The following THBS2 variants were observed in gnomAD, a reference collection of about 807,000 sequenced individuals.
THBS2 encodes the protein thrombospondin-2.
A neutral mutation model predicts 135.2 loss-of-function variants in THBS2; 47 were observed. The observed-to-expected ratio is 0.35, with a 90% CI of 0.28 to 0.44. The LOEUF is 0.44. THBS2 is among the 20% of genes least tolerant of loss of function. The probability of loss-of-function intolerance (pLI) is 1.00; values close to 1 mark genes in which losing one functional copy is unlikely to be tolerated. For missense variants in THBS2, 1,288 were observed against 1,603.1 expected (o/e 0.80, Z 3.36); for synonymous variants, 639 against 633.8 (o/e 1.01, Z -0.12).
rs1189867506 is a variant in THBS2 at position 169,248,883 on chromosome 6, G to A, written c.143C>T (p.Pro48Leu). Residue 48 changes from proline to leucine, a missense_variant, in exon 3 of 22, where the codon CCC (proline) becomes CTC (leucine). Around this residue, in one of 2 missense-constraint regions of THBS2, gnomAD observed 414 missense variants for 447.0 expected, o/e 0.93. Transcript: ENST00000617924. ...KTIGAKQFRG[P>L]DPGVPAYRFV... ...GCGGTAAGCCGGCACGCCGGGGTCG[G>A]GCCCGCGGAACTGCTTGGCGCCAAT... The A allele has an allele frequency of 5.0e-6, 8 of 1,613,024 alleles. No homozygotes were observed. The highest frequency in any genetic ancestry group is 6.8e-6 in the Non-Finnish European group (8 of 1,180,016).
At chr6:169,247,791 C>A (rs543437772) in intron 3 of THBS2, among the ~76,000 whole-genome samples, 2 of 146,856 alleles carry the variant, frequency 1.4e-5, no homozygotes, top group Non-Finnish European at 1.5e-5. Context: ...TATGTGCACA[C>A]GTCTGTGAAT....
Position 169,217,550 on chromosome 6 carries a change from G to C in THBS2, c.*272C>G. 1 of 442,322 alleles carries C rather than the reference G, an allele frequency of 2.3e-6. No individual in the cohort carries two copies. Among genetic ancestry groups the C allele is most frequent in the Non-Finnish European group, 4.0e-6 (1 of 246,922 alleles). 27.4% of individuals were successfully genotyped at this position (442,322 alleles called of 1,614,324 possible). Reference sequence around the variant, plus strand: ...AACAAACAAGAAAAAGCAATGTAATGGCATGCCCAATTTTCACTCCACATA... The same window carrying C: ...AACAAACAAGAAAAAGCAATGTAATCGCATGCCCAATTTTCACTCCACATA... On this transcript the variant is annotated 3_prime_UTR_variant, in exon 22 of 22. Coordinates refer to ENST00000617924, the MANE Select transcript of THBS2 (RefSeq NM_003247.5).
At chr6:169,231,551 C>T (rs934625160) in intron 13 of THBS2, among the ~76,000 whole-genome samples, 6 of 152,188 alleles carry the variant, frequency 3.9e-5, no homozygotes, top group Non-Finnish European at 5.9e-5. Context: ...TGAGCAGCTC[C>T]TTATACTGCA....
Position 169,222,268 on chromosome 6 carries a change from C to T in THBS2, c.3202G>A (p.Val1068Met), listed in dbSNP as rs1010061278. Residue 1068 changes from valine to methionine, a missense_variant, in exon 19 of 22, where the codon GTG (valine) becomes ATG (methionine). Around this residue, in one of 2 missense-constraint regions of THBS2, gnomAD observed 874 missense variants for 1,156.1 expected, o/e 0.76. Coordinates refer to ENST00000617924, the MANE Select transcript of THBS2 (RefSeq NM_003247.5). Reference sequence around the variant, plus strand: ...TCGCCCGTCCCCGTGGTGGAGTTCACCACCTTGAGGGACACGCCGGAGTAG... The same window carrying T: ...TCGCCCGTCCCCGTGGTGGAGTTCATCACCTTGAGGGACACGCCGGAGTAG... Reference protein sequence around the residue: ...YGYSGVSLKVVNSTTGTGEHL... With the variant: ...YGYSGVSLKVMNSTTGTGEHL... 4 of 1,613,184 alleles carry T rather than the reference C, an allele frequency of 2.5e-6. No individual in the cohort carries two copies. In the African/African-American group the frequency reaches 5.3e-5, roughly 22 times the overall value.
chr6:169,242,064 G>A (rs1780325103), intron 4 of THBS2, 106 bp from the exon 5 acceptor site: 1 of 1,300,294 alleles, frequency 7.7e-7, no homozygotes, highest in East Asian at 2.5e-5. Flanking sequence ...GAGCGGCCTG[G>A]TGCTGGGAGA....
rs150322618 is a variant in THBS2, at chr6:169,248,664, G to A, written c.362C>T (p.Ala121Val). The change falls in exon 3 of 22, where the codon GCG (alanine) becomes GTG (valine). Residue 121 changes from alanine (A) to valine (V), a missense_variant. Ala to Val is a moderately conservative substitution (Grantham distance 64). This residue lies in a region of THBS2 where 414 missense variants were observed against 447.0 expected (regional missense o/e 0.93). Coordinates refer to ENST00000617924, the MANE Select transcript of THBS2 (RefSeq NM_003247.5). ...CCAGTAGGTGAGATCCAGCGTGTCCGCGGGGCCGTTGGAGACGATCTCGAA... is the reference window on the plus strand; with the variant it reads ...CCAGTAGGTGAGATCCAGCGTGTCCACGGGGCCGTTGGAGACGATCTCGAA... ...RQFEIVSNGP[A>V]DTLDLTYWID... The A allele has an allele frequency of 1.2e-4, 193 of 1,614,052 alleles. No homozygotes were observed. In the African/African-American group the frequency reaches 1.9e-3, roughly 16 times the overall value.
Position 169,233,009 on chromosome 6 carries a change from A to G in THBS2, c.1660T>C (p.Leu554=). The G allele has an allele frequency of 6.5e-7, 1 of 1,540,528 alleles. No homozygotes were observed. The highest frequency in any genetic ancestry group is 8.7e-7 in the Non-Finnish European group (1 of 1,146,924). ...GCTCCCGGGAAGCAGGGGTTGGATA[A>G]ACAGCCATCTGGGTGGGAGAAGGCG... The part of the protein sequence containing the change: ...NKRSCPVDGC[L]SNPCFPGAQC... The change falls in exon 11 of 22, where the codon TTA becomes CTA. Residue 554 remains leucine, a synonymous_variant. Transcript: ENST00000617924.
At chr6:169,220,428 A>G (rs1304149003) in intron 20 of THBS2, 91 bp from the exon 21 acceptor site, 1 of 1,496,002 alleles carries the variant, frequency 6.7e-7, no homozygotes, top group South Asian at 1.3e-5. Context: ...GGCTCCGGAC[A>G]CAAGCTGTGG....
intron 15 of THBS2, 28 bp from the exon 16 acceptor site, chr6:169,226,326 C>T (rs1451038318): frequency 2.2e-5 from 35 of 1,565,476 alleles, no homozygotes; most frequent in Non-Finnish European, 3.0e-5. Flanking sequence ...GGGAAGAAAA[C>T]AAAAACAAAC....
At chr6:169,236,331 A>G (rs1320322046) in intron 9 of THBS2, among the ~76,000 whole-genome samples, 1 of 42,578 alleles carries the variant, frequency 2.3e-5, no homozygotes, top group Non-Finnish European at 4.7e-5. Context: ...TCACTCCCCC[A>G]TCCACACTCA....
chr6:169,250,840 T>C, intron 1 of THBS2, 34 bp from the exon 2 acceptor site: 1 of 1,516,434 alleles, frequency 6.6e-7, no homozygotes, highest in South Asian at 1.2e-5. Context: ...TAGTGATGAG[T>C]CCACAGCTGC....
chr6:169,219,721 G>A (rs557113862), intron 21 of THBS2: 55 of 502,296 alleles, frequency 1.1e-4, no homozygotes, highest in Admixed American at 3.3e-4. Flanking sequence ...AGGGTAATGC[G>A]CATTTGAAGG....
At chr6:169,237,551 CA>C in intron 8 of THBS2, 73 bp downstream of exon 8, 2 of 1,597,666 alleles carry the variant, frequency 1.3e-6, no homozygotes, top group Non-Finnish European at 8.5e-7. Flanking sequence ...CTGTCCCTTG[CA>C]AAGGTCCCGA....
At chr6:169,230,292 G>A (rs1167209203) in intron 13 of THBS2, among the ~76,000 whole-genome samples, 1 of 152,162 alleles carries the variant, frequency 6.6e-6, no homozygotes, top group Non-Finnish European at 1.5e-5. Context: ...AACAACTTGA[G>A]GGAATTGGAA....
chr6:169,234,165 C>T (rs997527909), intron 10 of THBS2, among the ~76,000 whole-genome samples: 1 of 150,912 alleles, frequency 6.6e-6, no homozygotes, highest in Non-Finnish European at 1.5e-5. Context: ...TATTCCAGAC[C>T]ACACAACCAC....
rs188511199 is a variant in THBS2 at position 169,239,583 on chromosome 6, G to A, written c.1129+16C>T. On this transcript the variant is annotated intron_variant, in intron 7 of 21. Transcript: ENST00000617924. ...CCTAAAAATGCAGGATGCGCTTGCCGGCTGGCGATACTCACAGTGGAGGCA... is the reference window on the plus strand; with the variant it reads ...CCTAAAAATGCAGGATGCGCTTGCCAGCTGGCGATACTCACAGTGGAGGCA... The A allele has an allele frequency of 1.1e-5, 17 of 1,584,708 alleles. No individual in the cohort carries two copies. The highest frequency in any genetic ancestry group is 3.5e-5 in the South Asian group (3 of 86,620).
Position 169,217,618 on chromosome 6 carries a change from A to C in THBS2, c.*204T>G, listed in dbSNP as rs1779220671. ...AAACTGGTTTCCTCTAGTGGGTTAG[A>C]TGTTCATCTCTGAGTTCCATTGATA... is the stretch of plus-strand genomic sequence containing the variant. On this transcript the variant is annotated 3_prime_UTR_variant, in exon 22 of 22. Transcript: ENST00000617924. The C allele has an allele frequency of 1.1e-5, 6 of 529,052 alleles. No homozygotes were observed. The highest frequency in any genetic ancestry group is 2.0e-5 in the Non-Finnish European group (6 of 297,958). 32.8% of individuals were successfully genotyped at this position (529,052 alleles called of 1,614,324 possible). A position where few individuals can be genotyped will look rare whatever the true frequency, so the allele number is the denominator to read the frequency against.
intron 4 of THBS2, 107 bp from the exon 5 acceptor site, chr6:169,242,065 T>C: frequency 7.8e-7 from 1 of 1,289,722 alleles, no homozygotes; most frequent in South Asian, 1.4e-5. Context: ...AGCGGCCTGG[T>C]GCTGGGAGAC....
chr6:169,245,755 G>A (rs1326421822), intron 4 of THBS2, among the ~76,000 whole-genome samples: 3 of 144,964 alleles, frequency 2.1e-5, no homozygotes, highest in Non-Finnish European at 4.5e-5. Flanking sequence ...TCGCACCACT[G>A]CACTCCAGCC....
Sources: gnomAD v4.1 joint callset for allele counts (sites outside exome capture counted in the v4.1 genomes callset) on GRCh38, gnomAD v4.1.1 for gene constraint, gnomAD v4.1.1 regional missense constraint, MANE v1.5 for transcripts, NCBI Gene and HGNC (gene_info 2026-07-23, HGNC 2026-07-21) for gene names.